The following GPATCH2 variants were observed in gnomAD, a reference collection of about 807,000 sequenced individuals.
GPATCH2 encodes the protein G-patch domain containing 2.
A neutral mutation model predicts 58.0 loss-of-function variants in GPATCH2; 51 were observed. That is an observed-to-expected ratio of 0.88 (90% CI 0.70 to 1.11). GPATCH2 has a LOEUF of 1.11. Among genes scored for constraint, GPATCH2 ranks in the 50% most tolerant of loss-of-function variants. GPATCH2 has a pLI of 0.00. For synonymous variants in GPATCH2, 222 were observed against 218.5 expected (o/e 1.02, Z -0.14); for missense variants, 625 against 652.2 (o/e 0.96, Z 0.45).
chr1:217,539,175 A>T (rs980025985), intron 5 of GPATCH2, among the ~76,000 whole-genome samples: 4 of 152,138 alleles, frequency 2.6e-5, no homozygotes, highest in African/African-American at 9.7e-5. Context: ...TAAAACATTG[A>T]CAAGTATGAG....
chr1:217,583,375 G>C (rs528052766), intron 5 of GPATCH2, among the ~76,000 whole-genome samples: 2 of 151,972 alleles, frequency 1.3e-5, no homozygotes, highest in African/African-American at 4.8e-5. Flanking sequence ...TTTGAGACCA[G>C]CCTGGCAAAC....
At chr1:217,510,147 A>G (rs1039771702) in intron 6 of GPATCH2, among the ~76,000 whole-genome samples, 3 of 152,164 alleles carry the variant, frequency 2.0e-5, no homozygotes, top group African/African-American at 7.2e-5. Context: ...TTGAATATGT[A>G]TTGCCTGAAA....
intron 7 of GPATCH2, among the ~76,000 whole-genome samples, chr1:217,497,781 T>C (rs1163460321): frequency 1.3e-5 from 2 of 152,182 alleles, no homozygotes; most frequent in Non-Finnish European, 2.9e-5. Flanking sequence ...AGTTTAAGCA[T>C]GCTTCCGAGA....
intron 9 of GPATCH2, among the ~76,000 whole-genome samples, chr1:217,431,708 TA>T (rs1231582719): frequency 1.3e-5 from 2 of 152,226 alleles, no homozygotes; most frequent in African/African-American, 4.8e-5. Context: ...AACTTCTCAG[TA>T]AACCATAAAG....
chr1:217,436,286 T>A (rs1054358985), intron 9 of GPATCH2, among the ~76,000 whole-genome samples: 5 of 152,212 alleles, frequency 3.3e-5, no homozygotes, highest in Admixed American at 3.3e-4. Flanking sequence ...TTGGTCTTCC[T>A]ACTAGAAAGC....
intron 5 of GPATCH2, among the ~76,000 whole-genome samples, chr1:217,595,399 C>T (rs1667774838): frequency 6.6e-6 from 1 of 152,128 alleles, no homozygotes; most frequent in African/African-American, 2.4e-5. Flanking sequence ...AAAAAAGCAA[C>T]ATCACTATAG....
chr1:217,559,669 G>A (rs1255352129), intron 5 of GPATCH2, among the ~76,000 whole-genome samples: 1 of 152,198 alleles, frequency 6.6e-6, no homozygotes, highest in Non-Finnish European at 1.5e-5. Context: ...GCCTGGTTGA[G>A]AATGAATGAG....
At chr1:217,443,607 A>C (rs926669147) in intron 9 of GPATCH2, among the ~76,000 whole-genome samples, 5 of 152,204 alleles carry the variant, frequency 3.3e-5, no homozygotes, top group Middle Eastern at 3.4e-3. Flanking sequence ...ATATTGCACC[A>C]TCTTATTCTC....
intron 8 of GPATCH2, among the ~76,000 whole-genome samples, chr1:217,459,656 C>T (rs1032527498): frequency 1.1e-4 from 16 of 152,148 alleles, no homozygotes; most frequent in African/African-American, 3.9e-4. Context: ...TGTAATCCCA[C>T]ACTCTCTCTT....
chr1:217,492,197 T>C (rs1419751068), intron 7 of GPATCH2, among the ~76,000 whole-genome samples: 1 of 152,204 alleles, frequency 6.6e-6, no homozygotes, highest in East Asian at 1.9e-4. Context: ...CTTTGTTACC[T>C]ATGCTGACAT....
At chr1:217,491,842 C>A in intron 7 of GPATCH2, 92 bp from the exon 8 acceptor site, 3 of 454,248 alleles carry the variant, frequency 6.6e-6, no homozygotes, top group South Asian at 4.4e-5. Context: ...CAAAGGGACA[C>A]TACTCATTTA....
intron 8 of GPATCH2, among the ~76,000 whole-genome samples, chr1:217,458,045 G>T (rs1660028150): frequency 6.6e-6 from 1 of 152,168 alleles, no homozygotes. Flanking sequence ...GGCTAACACG[G>T]TGAAACCCCG....
chr1:217,493,748 A>G (rs1167172303), intron 7 of GPATCH2, among the ~76,000 whole-genome samples: 3 of 152,062 alleles, frequency 2.0e-5, no homozygotes, highest in Non-Finnish European at 2.9e-5. Flanking sequence ...AGTGCCTTTT[A>G]AAAAATATAT....
intron 9 of GPATCH2, among the ~76,000 whole-genome samples, chr1:217,435,801 T>C (rs762684921): frequency 1.3e-5 from 2 of 152,212 alleles, no homozygotes; most frequent in East Asian, 3.8e-4. Context: ...AAGCACAGTT[T>C]AAGATGAGAG....
chr1:217,485,822 C>T (rs1661428336), intron 8 of GPATCH2, among the ~76,000 whole-genome samples: 1 of 152,044 alleles, frequency 6.6e-6, no homozygotes, highest in African/African-American at 2.4e-5. Flanking sequence ...GGGAAAGGTA[C>T]AGTAAAAATA....
In GPATCH2 at chr1:217,630,944, T is replaced by G; in HGVS notation, c.28A>C (p.Ile10Leu). 2.5e-6 allele frequency: 4 copies of G among 1,590,168 alleles called. No individual in the cohort carries two copies. The highest frequency in any genetic ancestry group is 3.4e-6 in the Non-Finnish European group (4 of 1,173,448). Reference protein sequence around the residue: MFGAAGRQPIGAPAAGNSWH... With the variant: MFGAAGRQPLGAPAAGNSWH... ...CTGTTCCCGGCTGCTGGAGCTCCGA[T>G]CGGTTGGCGCCCGGCGGCCCCGAAC... Residue 10 changes from isoleucine to leucine, a missense_variant, in exon 1 of 10, where the codon ATC (isoleucine) becomes CTC (leucine). Ile to Leu is a conservative substitution (Grantham distance 5, BLOSUM62 2). Coordinates refer to ENST00000366935, the MANE Select transcript of GPATCH2 (RefSeq NM_018040.5).
At chr1:217,448,137 A>G (rs1659477006) in intron 9 of GPATCH2, among the ~76,000 whole-genome samples, 1 of 151,250 alleles carries the variant, frequency 6.6e-6, no homozygotes, top group South Asian at 2.1e-4. Context: ...TAAGTTTCAC[A>G]TCTTTTTTTT....
At chr1:217,576,001 T>A (rs1275464404) in intron 5 of GPATCH2, among the ~76,000 whole-genome samples, 1 of 152,098 alleles carries the variant, frequency 6.6e-6, no homozygotes, top group African/African-American at 2.4e-5. Flanking sequence ...ATAGTACAGT[T>A]GGTAGATATG....
intron 5 of GPATCH2, chr1:217,608,569 T>A (rs1443644508): frequency 1.0e-6 from 1 of 985,166 alleles, no homozygotes; most frequent in Non-Finnish European, 1.2e-6. Flanking sequence ...AAATCCCAGC[T>A]ATGCTCAAGC....
Sources: allele counts gnomAD v4.1 joint callset (sites outside exome capture counted in the v4.1 genomes callset), GRCh38; gene constraint gnomAD v4.1.1; transcripts MANE v1.5; gene names NCBI Gene and HGNC (gene_info 2026-07-23, HGNC 2026-07-21).